SLC22A31: variants seen among roughly 807,000 people sequenced by gnomAD.
The protein encoded by SLC22A31 is putative solute carrier family 22 member 31.
A neutral mutation model predicts 27.4 loss-of-function variants in SLC22A31; 42 were observed. The ratio of observed to expected loss-of-function variants is 1.53; its 90% CI spans 1.20 to 1.98. The LOEUF (loss-of-function observed/expected upper bound fraction) is 1.98. SLC22A31 is among the 30% of genes most tolerant of loss of function. The pLI is 0.00. For missense variants in SLC22A31, 593 were observed against 479.9 expected (o/e 1.24, Z -2.20); for synonymous variants, 290 against 230.8 (o/e 1.26, Z -2.33).
rs894079627 is a variant in SLC22A31 at position 89,196,025 on chromosome 16, C to T, written c.1315G>A (p.Ala439Thr). 7.9e-6 allele frequency: 12 copies of T among 1,522,312 alleles called. No individual in the cohort carries two copies. The highest frequency in any genetic ancestry group is 1.2e-5 in the South Asian group (1 of 82,064). The allele number at this position is 1,522,312 out of a possible 1,614,324, so 94.3% of individuals were successfully genotyped here. The change falls in exon 9 of 9, where the codon GCC becomes ACC. Residue 439 changes from alanine to threonine, a missense_variant. Physicochemically the swap from Ala to Thr is moderately conservative, Grantham distance 58. Transcript: ENST00000682282. ...TAGTGCTGCTCGGGGGTGTGGCCGG[C>T]CCAGTAGGAGTTGGAGGGCGGCAGC... ...PLLPPSNSYWAGHTPEQH is the reference protein window; with the variant it reads ...PLLPPSNSYWTGHTPEQH
At chr16:89,197,177 G>A (rs1322719380) in intron 8 of SLC22A31, 121 bp downstream of exon 8, 1 of 700,624 alleles carries the variant, frequency 1.4e-6, no homozygotes, top group Non-Finnish European at 2.4e-6. Context: ...CTTACTGGAT[G>A]GAGGAATCAC....
chr16:89,199,456 G>T lies in SLC22A31; in HGVS notation c.240C>A (p.His80Gln). The change falls in exon 3 of 9, where the codon CAC becomes CAA. Residue 80 changes from histidine (H) to glutamine (Q), a missense_variant. His to Gln is a conservative substitution (Grantham distance 24). Transcript: ENST00000682282. The stretch of plus-strand genomic sequence containing the variant: ...GGAGGGCCCCTGCCAATGTGCCCCC[G>T]TGGAGTAGGCGCAGGACCAGCAGGG... Reference protein sequence around the residue: ...FPTLLVLRLLHGGTLAGALLA... With the variant: ...FPTLLVLRLLQGGTLAGALLA... The T allele has an allele frequency of 1.9e-6, 1 of 536,886 alleles. No individual in the cohort carries two copies. The allele number at this position is 536,886 out of a possible 1,614,324, so 33.3% of individuals were successfully genotyped here.
intron 1 of SLC22A31, chr16:89,200,111 C>T (rs1437636123): frequency 6.5e-5 from 19 of 290,440 alleles, no homozygotes; most frequent in Admixed American, 2.1e-4. Context: ...TCTTCCCCCA[C>T]GGCCAGCTCT....
In SLC22A31 at chr16:89,199,145, C is replaced by T; in HGVS notation, c.330G>A (p.Gly110=). ...TGCCCACCACCGAGAAAAGGCCAGC[C>T]CCCATGGAGAAGGCCAGGCGGTGGG... is the stretch of plus-strand genomic sequence containing the variant. The part of the protein sequence containing the change: ...DPPHRLAFSM[G]AGLFSVVGTL... The change falls in exon 4 of 9, where the codon GGG becomes GGA. Residue 110 remains glycine (G), a synonymous_variant. Transcript: ENST00000682282. The T allele has an allele frequency of 6.5e-7, 1 of 1,534,276 alleles. No homozygotes were observed. The highest frequency in any genetic ancestry group is 8.7e-7 in the Non-Finnish European group (1 of 1,146,276).
At chr16:89,200,705 T>TCTCAGCCCCAG (rs552743118), upstream of SLC22A31, among the ~76,000 whole-genome samples, 894 of 152,188 alleles carry the variant, frequency 5.9e-3, 27 homozygotes, top group Admixed American at 0.052. Flanking sequence ...GGTGTGCAGG[T>TCTCAGCCCCAG]CTCAGCCCCA....
upstream of SLC22A31, chr16:89,201,114 G>A (rs1916568032): frequency 2.7e-6 from 1 of 375,842 alleles, no homozygotes; most frequent in Non-Finnish European, 4.7e-6. Flanking sequence ...CGGCACCGTC[G>A]GGCCGGCGGC....
rs1227276006 is a variant in SLC22A31 at position 89,199,181 on chromosome 16, C to A, written c.294G>T (p.Leu98Phe). Residue 98 changes from leucine to phenylalanine, a missense_variant, in exon 4 of 9, where the codon TTG becomes TTT. Transcript: ENST00000682282. ...LLALYLARLE[L>F]CDPPHRLAFS... ...AGGCCAGGCGGTGGGGAGGGTCACA[C>A]AACTCCAGGCCTGGGCAGACACAGA... 1.4e-5 allele frequency: 22 copies of A among 1,529,056 alleles called. No homozygotes were observed. Among genetic ancestry groups the A allele is most frequent in the Non-Finnish European group, 1.9e-5 (22 of 1,143,732 alleles). The allele number at this position is 1,529,056 out of a possible 1,614,324, so 94.7% of individuals were successfully genotyped here.
At chr16:89,198,930 A>G in intron 4 of SLC22A31, 93 bp downstream of exon 4, 4 of 1,494,198 alleles carry the variant, frequency 2.7e-6, no homozygotes, top group South Asian at 1.3e-5. Context: ...CCTGTAACCC[A>G]TGCGTTTACC....
chr16:89,198,589 C>G (rs1342684447), intron 5 of SLC22A31, 39 bp from the exon 6 acceptor site: 2 of 1,518,708 alleles, frequency 1.3e-6, no homozygotes, highest in East Asian at 2.5e-5. Flanking sequence ...GGGTGAGGAG[C>G]TGTGCCTCTC....
At chr16:89,200,781 G>A (rs901539044), upstream of SLC22A31, among the ~76,000 whole-genome samples, 1 of 152,210 alleles carries the variant, frequency 6.6e-6, no homozygotes, top group East Asian at 1.9e-4. Context: ...TTCTCACGCA[G>A]ATCGTCAAGG....
intron 8 of SLC22A31, among the ~76,000 whole-genome samples, chr16:89,196,700 C>A (rs1232107871): frequency 6.6e-6 from 1 of 152,178 alleles, no homozygotes; most frequent in Non-Finnish European, 1.5e-5. Context: ...GTAATCCCAG[C>A]ACTTTGGGAG....
At chr16:89,196,499 T>G in intron 8 of SLC22A31, 194 bp from the exon 9 acceptor site, 1 of 1,028,324 alleles carries the variant, frequency 9.7e-7, no homozygotes. Context: ...GGGCAGCTGG[T>G]GGGGCAACAG....
Position 89,195,919 on chromosome 16 carries a change from G to C in SLC22A31, c.*80C>G. On this transcript the variant is annotated 3_prime_UTR_variant, in exon 9 of 9. Transcript: ENST00000682282. ...TTCTGAGAGGAATGTGTCTGCCCTG[G>C]ACCAGACGTCTGGGGTACTCAGCCA... 1 of 1,391,902 alleles carries C rather than the reference G, an allele frequency of 7.2e-7. No individual in the cohort carries two copies. Among genetic ancestry groups the C allele is most frequent in the Admixed American group, 2.8e-5 (1 of 35,530 alleles). 86.2% of individuals were successfully genotyped at this position (1,391,902 alleles called of 1,614,324 possible). A position where few individuals can be genotyped will look rare whatever the true frequency, so the allele number is the denominator to read the frequency against.
Position 89,195,934 on chromosome 16 carries a change from G to A in SLC22A31, c.*65C>T, listed in dbSNP as rs1686573995. On this transcript the variant is annotated 3_prime_UTR_variant, in exon 9 of 9. Coordinates refer to ENST00000682282, the MANE Select transcript of SLC22A31 (RefSeq NM_001384763.1). The stretch of plus-strand genomic sequence containing the variant: ...GTCTGCCCTGGACCAGACGTCTGGG[G>A]TACTCAGCCATGCCCCAGGCCTTGA... The A allele has an allele frequency of 5.6e-6, 8 of 1,422,848 alleles. 1 individual carries two copies. Among genetic ancestry groups the A allele is most frequent in the South Asian group, 1.5e-5 (1 of 68,416 alleles). 88.1% of individuals were successfully genotyped at this position (1,422,848 alleles called of 1,614,324 possible). A position where few individuals can be genotyped will look rare whatever the true frequency, so the allele number is the denominator to read the frequency against.
rs1245149335 is a variant in SLC22A31, at chr16:89,195,996, G to C, written c.*3C>G. ...TCCTGGCTCCCAGGGCCACCAGGCA[G>C]GACTAGTGCTGCTCGGGGGTGTGGC... On this transcript the variant is annotated 3_prime_UTR_variant, in exon 9 of 9. Coordinates refer to ENST00000682282, the MANE Select transcript of SLC22A31 (RefSeq NM_001384763.1). 1 of 1,496,162 alleles carries C rather than the reference G, an allele frequency of 6.7e-7. No homozygotes were observed. The highest frequency in any genetic ancestry group is 2.5e-5 in the East Asian group (1 of 40,530). The allele number at this position is 1,496,162 out of a possible 1,614,324, so 92.7% of individuals were successfully genotyped here. A position where few individuals can be genotyped will look rare whatever the true frequency, so the allele number is the denominator to read the frequency against.
At chr16:89,200,616 A>C (rs1916497103), upstream of SLC22A31, among the ~76,000 whole-genome samples, 1 of 151,990 alleles carries the variant, frequency 6.6e-6, no homozygotes, top group Non-Finnish European at 1.5e-5. Flanking sequence ...AAGATGTGGC[A>C]ACCCCGTTCC....
At position 89,199,197 on chromosome 16, in the gene SLC22A31, C is replaced by A; in HGVS notation, c.284-6G>T. 1 of 1,519,394 alleles carries A rather than the reference C, an allele frequency of 6.6e-7. No homozygotes were observed. Among genetic ancestry groups the A allele is most frequent in the Non-Finnish European group, 8.8e-7 (1 of 1,138,640 alleles). The allele number at this position is 1,519,394 out of a possible 1,614,324, so 94.1% of individuals were successfully genotyped here. A position where few individuals can be genotyped will look rare whatever the true frequency, so the allele number is the denominator to read the frequency against. ...AGGGTCACACAACTCCAGGCCTGGGCAGACACAGACAGGTTGAAGTGGAGG... is the reference window on the plus strand; with the variant it reads ...AGGGTCACACAACTCCAGGCCTGGGAAGACACAGACAGGTTGAAGTGGAGG... On this transcript the variant is annotated splice_region_variant and splice_polypyrimidine_tract_variant and intron_variant, in intron 3 of 8. Transcript: ENST00000682282.
Position 89,197,415 on chromosome 16 carries a change from G to T in SLC22A31, c.923-6C>A, listed in dbSNP as rs1033519007. ...CACAGTCCAGCCTGGCAGATCTGGG[G>T]ACAAAGAACAGGGGTTCCCAGGCTC... is the stretch of plus-strand genomic sequence containing the variant. On this transcript the variant is annotated splice_polypyrimidine_tract_variant and splice_region_variant and intron_variant, in intron 7 of 8. Coordinates refer to ENST00000682282, the MANE Select transcript of SLC22A31 (RefSeq NM_001384763.1). The T allele has an allele frequency of 3.5e-5, 54 of 1,532,656 alleles. No individual in the cohort carries two copies. Among genetic ancestry groups the T allele is most frequent in the Non-Finnish European group, 4.5e-5 (51 of 1,144,180 alleles). The allele number at this position is 1,532,656 out of a possible 1,614,324, so 94.9% of individuals were successfully genotyped here.
chr16:89,197,486 G>T, intron 7 of SLC22A31, 77 bp from the exon 8 acceptor site: 1 of 1,029,722 alleles, frequency 9.7e-7, no homozygotes, highest in South Asian at 1.5e-5. Flanking sequence ...CTTCCCCAGA[G>T]AACCACACCA....
Sources: allele counts gnomAD v4.1 joint callset (sites outside exome capture counted in the v4.1 genomes callset), GRCh38; gene constraint gnomAD v4.1.1; transcripts MANE v1.5; gene names NCBI Gene and HGNC (gene_info 2026-07-23, HGNC 2026-07-21).